Variants in TENM3 observed in about 807,000 individuals in gnomAD.
TENM3 encodes teneurin-3.
TENM3 carries 63 observed loss-of-function variants against 255.1 expected under a neutral mutation model. The observed-to-expected ratio is 0.25, with a 90% CI of 0.20 to 0.30. The LOEUF (loss-of-function observed/expected upper bound fraction) is 0.30. Among genes scored for constraint, TENM3 ranks in the 10% least tolerant of loss-of-function variants. The pLI, the probability that TENM3 is intolerant of heterozygous loss-of-function variation, is 1.00. For missense variants in TENM3, 2,929 were observed against 3,461.1 expected (o/e 0.85, Z 3.86); for synonymous variants, 1,306 against 1,322.3 (o/e 0.99, Z 0.27).
the TENM3 span, among the ~76,000 whole-genome samples, chr4:181,913,253 A>C: frequency 6.6e-6 from 1 of 152,218 alleles, no homozygotes; most frequent in Non-Finnish European, 1.5e-5. Context: ...GATTTGAGAT[A>C]TAAAATATAC....
chr4:182,607,983 G>T (rs192209055), intron 4 of TENM3, among the ~76,000 whole-genome samples: 1 of 152,110 alleles, frequency 6.6e-6, no homozygotes, highest in Non-Finnish European at 1.5e-5. Context: ...CAGTGATTGC[G>T]ATTAAGCCAT....
chr4:182,195,574 A>G (rs960938011), intron 1 of TENM3, among the ~76,000 whole-genome samples: 2 of 152,102 alleles, frequency 1.3e-5, no homozygotes, highest in Non-Finnish European at 2.9e-5. Context: ...GGGGAGGTCA[A>G]GGCTGCAGTG....
At chr4:182,577,943 C>T (rs1745096361) in intron 3 of TENM3, among the ~76,000 whole-genome samples, 1 of 151,902 alleles carries the variant, frequency 6.6e-6, no homozygotes, top group Non-Finnish European at 1.5e-5. Context: ...GCTTAAATGT[C>T]ATATTTTCAG....
chr4:181,712,533 G>A, the TENM3 span, among the ~76,000 whole-genome samples: 1 of 152,112 alleles, frequency 6.6e-6, no homozygotes, highest in Non-Finnish European at 1.5e-5. Flanking sequence ...AGAACAGTGA[G>A]CCAATTAAAC....
chr4:182,701,005 G>A (rs1757811655), intron 12 of TENM3, among the ~76,000 whole-genome samples: 1 of 151,934 alleles, frequency 6.6e-6, no homozygotes, highest in Non-Finnish European at 1.5e-5. Flanking sequence ...TAGTGCACGA[G>A]ACAGGTTACA....
At chr4:182,541,072 C>A (rs1740834942) in intron 3 of TENM3, among the ~76,000 whole-genome samples, 1 of 152,208 alleles carries the variant, frequency 6.6e-6, no homozygotes, top group African/African-American at 2.4e-5. Context: ...AAAACTAAAA[C>A]CGCTAAGAGT....
intron 16 of TENM3, among the ~76,000 whole-genome samples, chr4:182,735,850 A>G (rs1226732943): frequency 6.6e-6 from 1 of 152,188 alleles, no homozygotes; most frequent in Non-Finnish European, 1.5e-5. Context: ...GTTTTGGCAT[A>G]ATGTATTTTG....
intron 1 of TENM3, among the ~76,000 whole-genome samples, chr4:182,172,682 A>G (rs1752188709): frequency 6.6e-6 from 1 of 152,216 alleles, no homozygotes; most frequent in Non-Finnish European, 1.5e-5. Flanking sequence ...ATTTAAAATT[A>G]TTTATTCATA....
chr4:182,714,004 C>A, intron 12 of TENM3, 83 bp from the exon 13 acceptor site: 1 of 1,144,748 alleles, frequency 8.7e-7, no homozygotes, highest in Non-Finnish European at 1.3e-6. Context: ...GGCCTGTTCC[C>A]ACTAAGTGTC....
At chr4:181,619,771 A>C in the TENM3 span, among the ~76,000 whole-genome samples, 27 of 152,248 alleles carry the variant, frequency 1.8e-4, no homozygotes, top group African/African-American at 5.5e-4. Context: ...GTCAACCTGC[A>C]GTTATCTTCC....
At chr4:181,925,309 T>C in the TENM3 span, among the ~76,000 whole-genome samples, 4,682 of 152,282 alleles carry the variant, frequency 0.031, 86 homozygotes, top group South Asian at 0.044. Flanking sequence ...TCCAACCTTA[T>C]AGGTTATTGT....
At chr4:181,480,311 G>T in the TENM3 span, among the ~76,000 whole-genome samples, 3 of 152,104 alleles carry the variant, frequency 2.0e-5, no homozygotes, top group African/African-American at 7.2e-5. Flanking sequence ...AGAGCATAAA[G>T]CTTATAATTG....
At chr4:181,951,258 G>A in the TENM3 span, among the ~76,000 whole-genome samples, 1 of 151,872 alleles carries the variant, frequency 6.6e-6, no homozygotes, top group Non-Finnish European at 1.5e-5. Context: ...CAAGTTCATT[G>A]AACAAAAACT....
At chr4:181,452,890 A>G in the TENM3 span, among the ~76,000 whole-genome samples, 1 of 152,206 alleles carries the variant, frequency 6.6e-6, no homozygotes, top group Non-Finnish European at 1.5e-5. Context: ...GGAAGATAGT[A>G]TTGAGAACAA....
the TENM3 span, among the ~76,000 whole-genome samples, chr4:181,609,668 A>C: frequency 2.3e-3 from 344 of 152,364 alleles, no homozygotes; most frequent in African/African-American, 7.6e-3. Flanking sequence ...TCAGGTGAGA[A>C]AAAGCAAAAT....
chr4:182,770,042 G>A (rs2152788187), intron 22 of TENM3, among the ~76,000 whole-genome samples: 1 of 150,976 alleles, frequency 6.6e-6, no homozygotes, highest in Non-Finnish European at 1.5e-5. Context: ...GGAGGCGGAG[G>A]TTGCAGTGAG....
chr4:182,003,348 A>G, the TENM3 span, among the ~76,000 whole-genome samples: 1 of 152,094 alleles, frequency 6.6e-6, no homozygotes, highest in Non-Finnish European at 1.5e-5. Context: ...GTTTCTTTCC[A>G]AATGACCTGA....
At chr4:182,392,186 G>A (rs373325886) in intron 3 of TENM3, among the ~76,000 whole-genome samples, 8 of 152,262 alleles carry the variant, frequency 5.3e-5, no homozygotes, top group South Asian at 4.1e-4. Flanking sequence ...GTGAAGGGTC[G>A]TTCTTCCTCT....
chr4:182,331,771 C>G (rs1330831166), intron 2 of TENM3, among the ~76,000 whole-genome samples: 3 of 152,162 alleles, frequency 2.0e-5, no homozygotes, highest in African/African-American at 7.2e-5. Flanking sequence ...AAAAGGACCA[C>G]TGGGTAAGTG....
Sources: allele counts gnomAD v4.1 joint callset (sites outside exome capture counted in the v4.1 genomes callset), GRCh38; gene constraint gnomAD v4.1.1; transcripts MANE v1.5; gene names NCBI Gene and HGNC (gene_info 2026-07-23, HGNC 2026-07-21).